Variants in PALM2AKAP2 observed in about 807,000 individuals in gnomAD.
PALM2AKAP2 encodes the protein PALM2 and AKAP2 fusion.
Under a neutral mutation model 71.5 loss-of-function variants are expected in PALM2AKAP2, and 37 were observed. That is an observed-to-expected ratio of 0.52 (90% CI 0.40 to 0.68). The LOEUF is 0.68. Among genes scored for constraint, PALM2AKAP2 ranks in the 30% least tolerant of loss-of-function variants. PALM2AKAP2 has a pLI of 0.00. For missense variants in PALM2AKAP2, 1,224 were observed against 1,191.8 expected, an observed-to-expected ratio of 1.03 and a Z score of -0.40; for synonymous variants, 468 against 478.8, an observed-to-expected ratio of 0.98 and a Z score of 0.29.
At position 109,846,284 on chromosome 9, in the gene PALM2AKAP2, T is replaced by C. The variant is rs768967681; in HGVS notation, c.46-21207T>C. On this transcript the variant is annotated intron_variant, in intron 1 of 9. Transcript: ENST00000302798. ...ATGGCACCAAGGTTAGGGCTTGTGA[T>C]AACAGGGACCTGCTTCAAGAGAAAG... 1.1e-4 allele frequency among the ~76,000 whole-genome samples: 16 copies of C among 152,280 alleles called. No homozygotes were observed. In the South Asian group the frequency reaches 3.1e-3, roughly 30 times the overall value.
At chr9:109,950,833 T>C (rs990304088) in intron 6 of PALM2AKAP2, among the ~76,000 whole-genome samples, 1 of 152,234 alleles carries the variant, frequency 6.6e-6, no homozygotes, top group Admixed American at 6.5e-5. Context: ...AAGGTGCTAA[T>C]GGAGAGCCAG....
chr9:109,896,291 C>T (rs180974277), intron 3 of PALM2AKAP2, among the ~76,000 whole-genome samples: 1 of 152,294 alleles, frequency 6.6e-6, no homozygotes, highest in Admixed American at 6.5e-5. Flanking sequence ...ACCTCCCCAC[C>T]AGGTCCCTCC....
intron 7 of PALM2AKAP2, among the ~76,000 whole-genome samples, chr9:110,018,742 A>T (rs184024732): frequency 6.6e-6 from 1 of 152,224 alleles, no homozygotes; most frequent in African/African-American, 2.4e-5. Flanking sequence ...TTCTAGGTGG[A>T]TATAACTACA....
chr9:109,698,740 G>A (rs1412415100), intron 1 of PALM2AKAP2, among the ~76,000 whole-genome samples: 1 of 152,180 alleles, frequency 6.6e-6, no homozygotes, highest in African/African-American at 2.4e-5. Context: ...GGCAGTGGTG[G>A]TCATTTATTT....
intron 6 of PALM2AKAP2, among the ~76,000 whole-genome samples, chr9:109,993,583 G>A (rs368895903): frequency 6.6e-6 from 1 of 152,106 alleles, no homozygotes; most frequent in East Asian, 1.9e-4. Context: ...CAGCCCAAAG[G>A]GAAATTGGAG....
At chr9:109,742,796 A>G (rs1828734582) in intron 1 of PALM2AKAP2, among the ~76,000 whole-genome samples, 1 of 152,226 alleles carries the variant, frequency 6.6e-6, no homozygotes, top group South Asian at 2.1e-4. Context: ...TGGACAACAC[A>G]GAAATGGCAT....
chr9:109,891,653 G>A (rs977370962), intron 3 of PALM2AKAP2, among the ~76,000 whole-genome samples: 1 of 152,130 alleles, frequency 6.6e-6, no homozygotes, highest in Non-Finnish European at 1.5e-5. Flanking sequence ...ACCATGCCAG[G>A]CTGATGTTTG....
At chr9:109,794,240 G>A (rs1827189199) in intron 1 of PALM2AKAP2, among the ~76,000 whole-genome samples, 4 of 152,112 alleles carry the variant, frequency 2.6e-5, no homozygotes, top group Admixed American at 2.0e-4. Context: ...TAAGCCAACT[G>A]CATGTTGTTG....
chr9:109,757,511 T>G (rs2182814), intron 1 of PALM2AKAP2, among the ~76,000 whole-genome samples: 2 of 151,958 alleles, frequency 1.3e-5, no homozygotes, highest in Non-Finnish European at 2.9e-5. Context: ...GAGGCAGGTC[T>G]GCCCCATACA....
chr9:109,950,152 G>T (rs977050459), intron 6 of PALM2AKAP2, among the ~76,000 whole-genome samples: 1 of 152,040 alleles, frequency 6.6e-6, no homozygotes, highest in African/African-American at 2.4e-5. Context: ...AAATTAGCCA[G>T]CATGGTGGCA....
At chr9:110,062,888 T>A (rs1833993226) in intron 1 of PALM2AKAP2, among the ~76,000 whole-genome samples, 1 of 152,152 alleles carries the variant, frequency 6.6e-6, no homozygotes, top group African/African-American at 2.4e-5. Flanking sequence ...GGCTACAAGA[T>A]GAAAAAATAC....
At chr9:109,768,071 A>G (rs1829191190) in intron 1 of PALM2AKAP2, among the ~76,000 whole-genome samples, 1 of 106,424 alleles carries the variant, frequency 9.4e-6, no homozygotes, top group African/African-American at 5.1e-5. Context: ...CAGTGAAGGA[A>G]GGAGGAAGGG....
intron 3 of PALM2AKAP2, among the ~76,000 whole-genome samples, chr9:110,165,628 CATT>C (rs1286235605): frequency 6.6e-6 from 1 of 152,108 alleles, no homozygotes; most frequent in African/African-American, 2.4e-5. Context: ...AAAGAGAGCT[CATT>C]GTTGGTATAA....
chr9:110,137,641 A>C (rs188422825), exon 2 of PALM2AKAP2: 34 of 1,613,916 alleles, frequency 2.1e-5, no homozygotes, highest in Non-Finnish European at 3.4e-6. Context: ...CCTTGACCCA[A>C]GAGGAGCTTG....
intron 6 of PALM2AKAP2, among the ~76,000 whole-genome samples, chr9:109,971,282 C>CTT (rs1304200183): frequency 2.0e-5 from 2 of 100,760 alleles, no homozygotes; most frequent in South Asian, 3.7e-4. Context: ...ACTCTTAGTC[C>CTT]CTTTTTTTTT....
At chr9:109,875,127 T>C (rs1829692209) in intron 2 of PALM2AKAP2, among the ~76,000 whole-genome samples, 1 of 152,160 alleles carries the variant, frequency 6.6e-6, no homozygotes, top group South Asian at 2.1e-4. Context: ...ACCTCACTTA[T>C]TATGGTCCAG....
At chr9:109,708,565 A>G (rs1279035790) in intron 1 of PALM2AKAP2, among the ~76,000 whole-genome samples, 1 of 152,224 alleles carries the variant, frequency 6.6e-6, no homozygotes, top group African/African-American at 2.4e-5. Context: ...TGCACCGCCA[A>G]GACTTTATTA....
At chr9:110,135,164 A>AAATATATATATATATATATATATATATAT in intron 1 of PALM2AKAP2, among the ~76,000 whole-genome samples, 2 of 51,690 alleles carry the variant, frequency 3.9e-5, no homozygotes, top group Admixed American at 2.1e-4. Flanking sequence ...AAAAAAAAAA[A>AAATATATATATATATATATATATATATAT]ATATATAAAT....
At chr9:110,002,277 G>T (rs1691516578) in intron 6 of PALM2AKAP2, among the ~76,000 whole-genome samples, 1 of 152,014 alleles carries the variant, frequency 6.6e-6, no homozygotes, top group South Asian at 2.1e-4. Context: ...ATAATCATGT[G>T]GTTTTTGTCA....
Sources: allele counts gnomAD v4.1 joint callset (sites outside exome capture counted in the v4.1 genomes callset), GRCh38; gene constraint gnomAD v4.1.1; transcripts MANE v1.5; gene names NCBI Gene and HGNC (gene_info 2026-07-23, HGNC 2026-07-21).